The following PIEZO1 variants were observed in gnomAD, a reference collection of about 807,000 sequenced individuals.
PIEZO1 encodes piezo-type mechanosensitive ion channel component 1.
A neutral mutation model predicts 297.2 loss-of-function variants in PIEZO1; 296 were observed. That is an observed-to-expected ratio of 1.00 (90% CI 0.91 to 1.10). The LOEUF is 1.10. Ranked by LOEUF, PIEZO1 falls within the 50% of genes least tolerant of loss-of-function variation. The pLI is 0.00. For synonymous variants in PIEZO1, 2,427 were observed against 1,507.5 expected (o/e 1.61, Z -14.13); for missense variants, 5,018 against 3,455.5 (o/e 1.45, Z -11.34).
At position 88,742,326 on chromosome 16, in the gene PIEZO1, C is replaced by G. The variant is rs764666122; in HGVS notation, c.257G>C (p.Arg86Pro). 7.8e-6 allele frequency: 12 copies of G among 1,534,848 alleles called. No homozygotes were observed. In the South Asian group the frequency reaches 1.4e-4, roughly 18 times the overall value. Reference protein sequence around the residue: ...ALQICLHIVPRLDQLLGPSCS... With the variant: ...ALQICLHIVPPLDQLLGPSCS... ...GCTGGGTCCCAGGAGCTGGTCCAGG[C>G]GGGGCACAATATGCAGGCAGATCTG... is the stretch of plus-strand genomic sequence containing the variant. Residue 86 changes from arginine (R) to proline (P), a missense_variant, in exon 3 of 51, where the codon CGC becomes CCC. Arg to Pro is a moderately radical substitution (Grantham distance 103). Transcript: ENST00000301015.
intron 1 of PIEZO1, among the ~76,000 whole-genome samples, 192 bp from the exon 2 acceptor site, chr16:88,749,671 A>G (rs542236992): frequency 2.0e-5 from 3 of 152,352 alleles, no homozygotes; most frequent in Admixed American, 2.0e-4. Flanking sequence ...CACGGGCACC[A>G]GCCTCCCAGC....
At chr16:88,750,573 C>G (rs1276916958) in intron 1 of PIEZO1, among the ~76,000 whole-genome samples, 1 of 152,222 alleles carries the variant, frequency 6.6e-6, no homozygotes, top group Non-Finnish European at 1.5e-5. Context: ...TGCATCAGTC[C>G]CAACCACACA....
chr16:88,756,145 G>A (rs578207378), intron 1 of PIEZO1, among the ~76,000 whole-genome samples: 4 of 152,274 alleles, frequency 2.6e-5, no homozygotes, highest in Admixed American at 2.0e-4. Context: ...TGGGAGCCTC[G>A]AGGGTGGTCT....
intron 1 of PIEZO1, among the ~76,000 whole-genome samples, chr16:88,754,378 C>T (rs919754831): frequency 6.6e-6 from 1 of 152,198 alleles, no homozygotes. Flanking sequence ...GAGGGCTGGA[C>T]ACCACCCACT....
chr16:88,732,791 C>G, intron 19 of PIEZO1, 59 bp from the exon 20 acceptor site: 1 of 1,449,832 alleles, frequency 6.9e-7, no homozygotes, highest in South Asian at 1.4e-5. Context: ...CTGGCCCTGC[C>G]CGGAGCCCAC....
Position 88,723,093 on chromosome 16 carries a change from ACCTGCCGCTG to A in PIEZO1, c.4487_4495+1del. On this transcript the variant is annotated splice_donor_variant and coding_sequence_variant, in exon 33 of 51. Transcript: ENST00000301015. LOFTEE classifies it high-confidence loss of function. ...CCACTCCCCAGCCCCGGGCCCACGT[ACCTGCCGCTG>A]CCTCCTCGGGGCCCTCTGCTGGCTC... is the stretch of plus-strand genomic sequence containing the variant. The A allele has an allele frequency of 1.3e-6, 2 of 1,547,278 alleles. No homozygotes were observed. Among genetic ancestry groups the A allele is most frequent in the Non-Finnish European group, 1.7e-6 (2 of 1,146,542 alleles).
intron 2 of PIEZO1, 73 bp from the exon 3 acceptor site, chr16:88,742,495 C>G (rs1180457410): frequency 3.0e-5 from 44 of 1,467,536 alleles, no homozygotes; most frequent in Non-Finnish European, 4.0e-5. Context: ...CTCAGCCGGA[C>G]AATAGCCCCC....
intron 1 of PIEZO1, among the ~76,000 whole-genome samples, chr16:88,784,235 A>G (rs1015944224): frequency 6.6e-6 from 1 of 152,190 alleles, no homozygotes; most frequent in Non-Finnish European, 1.5e-5. Flanking sequence ...CCCCTCCCCC[A>G]GACCAGGGCA....
chr16:88,765,886 C>G lies in PIEZO1; in HGVS notation c.65-16407G>C, dbSNP rs138680888. Among the ~76,000 whole-genome samples, 1,035 of 152,214 alleles carry G rather than the reference C, an allele frequency of 6.8e-3. 7 individuals are homozygous for G. The highest frequency in any genetic ancestry group is 0.037 in the Middle Eastern group (11 of 294). Reference sequence around the variant, plus strand: ...ATGGGGTTTCACCATGTTGGCCAGGCTGGTCTCGAACTCCTGACCTCAGGT... The same window carrying G: ...ATGGGGTTTCACCATGTTGGCCAGGGTGGTCTCGAACTCCTGACCTCAGGT... On this transcript the variant is annotated intron_variant, in intron 1 of 50. Coordinates refer to ENST00000301015, the MANE Select transcript of PIEZO1 (RefSeq NM_001142864.4).
chr16:88,723,020 G>A lies in PIEZO1; in HGVS notation c.4496-11C>T, dbSNP rs1334907137. The A allele has an allele frequency of 5.2e-6, 8 of 1,543,726 alleles. No individual in the cohort carries two copies. The highest frequency in any genetic ancestry group is 2.7e-5 in the African/African-American group (2 of 72,946). ...CCACATGGCTCCGGCCTGCGGGAGG[G>A]CGGGAGGGGGCGCTGGAGGGGCAGC... On this transcript the variant is annotated splice_polypyrimidine_tract_variant and intron_variant, in intron 33 of 50. Transcript: ENST00000301015.
chr16:88,727,272 C>T (rs1462532732), intron 23 of PIEZO1, 80 bp from the exon 24 acceptor site: 2 of 1,413,774 alleles, frequency 1.4e-6, no homozygotes, highest in African/African-American at 2.9e-5. Context: ...CACCTCCCAC[C>T]CCAGGCCTGT....
In PIEZO1 at chr16:88,722,233, T is replaced by TCGC; in HGVS notation, c.4937_4939dup (p.Ser1646_Glu1647insGly). The TCGC allele has an allele frequency of 6.5e-7, 1 of 1,547,054 alleles. No homozygotes were observed. The highest frequency in any genetic ancestry group is 8.7e-7 in the Non-Finnish European group (1 of 1,146,760). ...CCGCCCCCACCTGTCCAGGAGCAGC[T>TCGC]CGCTGGCCGTCCGCATCAGTCCCTG... is the stretch of plus-strand genomic sequence containing the variant. On this transcript the variant is annotated inframe_insertion, in exon 36 of 51. Coordinates refer to ENST00000301015, the MANE Select transcript of PIEZO1 (RefSeq NM_001142864.4).
At chr16:88,731,640 G>A (rs1345353510) in intron 22 of PIEZO1, 66 bp downstream of exon 22, 2 of 1,317,060 alleles carry the variant, frequency 1.5e-6, no homozygotes, top group East Asian at 2.5e-5. Context: ...GGGCAGGCGG[G>A]AAACACCCCC....
Position 88,727,102 on chromosome 16 carries a change from T to C in PIEZO1, c.3392A>G (p.Asn1131Ser), listed in dbSNP as rs750042982. 4 of 1,549,876 alleles carry C rather than the reference T, an allele frequency of 2.6e-6. No individual in the cohort carries two copies. In the African/African-American group the frequency reaches 4.1e-5, roughly 16 times the overall value. ...CCGCAGCGGCTCCAGGCGGTCGGTG[T>C]TGACGCCAGCCATGCGCTGCCACTC... The part of the protein sequence containing the change: ...TEEWQRMAGV[N>S]TDRLEPLRGE... Residue 1131 changes from asparagine to serine, a missense_variant, in exon 24 of 51, where the codon AAC (asparagine) becomes AGC (serine). Transcript: ENST00000301015.
At chr16:88,726,041 G>A (rs1445543044) in intron 27 of PIEZO1, 1 of 573,120 alleles carries the variant, frequency 1.7e-6, no homozygotes, top group African/African-American at 1.9e-5. Flanking sequence ...AGTTGGCTGG[G>A]GGTGAGACAC....
chr16:88,737,481 A>G (rs1206380980), intron 10 of PIEZO1, 78 bp downstream of exon 10: 2 of 994,416 alleles, frequency 2.0e-6, no homozygotes, highest in Non-Finnish European at 2.9e-6. Context: ...CGAGAGCGCC[A>G]GGCGGCCACC....
At position 88,785,179 on chromosome 16, in the gene PIEZO1, G is replaced by T. The variant is rs945080121; in HGVS notation, c.-215C>A. 1.1e-5 allele frequency: 3 copies of T among 272,568 alleles called. No individual in the cohort carries two copies. The highest frequency in any genetic ancestry group is 2.2e-5 in the African/African-American group (1 of 44,468). 16.9% of individuals were successfully genotyped at this position (272,568 alleles called of 1,614,324 possible). A position where few individuals can be genotyped will look rare whatever the true frequency, so the allele number is the denominator to read the frequency against. ...GCCCTGCCCCTCGGCGGAGCGCAGC[G>T]CTCGGCTCACTGGGGCCGAGCTGGG... On this transcript the variant is annotated 5_prime_UTR_variant, in exon 1 of 51. Transcript: ENST00000301015.
At chr16:88,723,398 G>T in intron 31 of PIEZO1, 70 bp from the exon 32 acceptor site, 2 of 1,507,942 alleles carry the variant, frequency 1.3e-6, no homozygotes, top group Non-Finnish European at 1.8e-6. Context: ...GCTGGGGTTG[G>T]GCAAGCCGGG....
chr16:88,723,471 G>A, intron 31 of PIEZO1, 143 bp from the exon 32 acceptor site: 2 of 966,508 alleles, frequency 2.1e-6, no homozygotes, highest in South Asian at 3.2e-5. Context: ...GCCCCTCCCG[G>A]ATGGGGACCC....
Sources: gnomAD v4.1 joint callset for allele counts (sites outside exome capture counted in the v4.1 genomes callset) on GRCh38, gnomAD v4.1.1 for gene constraint, MANE v1.5 for transcripts, NCBI Gene and HGNC (gene_info 2026-07-23, HGNC 2026-07-21) for gene names.